Variants in SFI1 observed in about 807,000 individuals in gnomAD.
The protein encoded by SFI1 is SFI1 centrin binding protein, also known as protein SFI1 homolog.
Under a neutral mutation model 207.5 loss-of-function variants are expected in SFI1, and 195 were observed. The observed-to-expected ratio is 0.94, with a 90% confidence interval of 0.84 to 1.06. The LOEUF is 1.06. SFI1 is among the 50% of genes least tolerant of loss of function. The probability of loss-of-function intolerance (pLI) is 0.00; values close to 1 mark genes in which losing one functional copy is unlikely to be tolerated. For synonymous variants in SFI1, 630 were observed against 598.9 expected, an observed-to-expected ratio of 1.05 and a Z score of -0.76; for missense variants, 1,634 against 1,588.0, an observed-to-expected ratio of 1.03 and a Z score of -0.49.
At chr22:31,508,841 G>A (rs908669570) in intron 2 of SFI1, among the ~76,000 whole-genome samples, 1 of 152,182 alleles carries the variant, frequency 6.6e-6, no homozygotes, top group Non-Finnish European at 1.5e-5. Context: ...GGGCCTAGAG[G>A]TAGTACCACC....
intron 15 of SFI1, among the ~76,000 whole-genome samples, chr22:31,594,242 A>G (rs1375641618): frequency 6.6e-6 from 1 of 152,168 alleles, no homozygotes; most frequent in African/African-American, 2.4e-5. Context: ...TTGAAATGAT[A>G]GTCATCAACA....
In SFI1 at chr22:31,618,112, C is replaced by A; in HGVS notation, c.3513-3C>A. The A allele has an allele frequency of 6.4e-7, 1 of 1,566,740 alleles. No individual in the cohort carries two copies. The highest frequency in any genetic ancestry group is 2.3e-5 in the East Asian group (1 of 43,162). ...GCAGGCAGTGGGTATCTCCACCCCT[C>A]AGGTCCTGTCGGCGGCAAGCGAGCA... On this transcript the variant is annotated splice_region_variant and splice_polypyrimidine_tract_variant and intron_variant, in intron 31 of 32. Transcript: ENST00000400288.
chr22:31,593,064 C>G (rs1417064519), intron 15 of SFI1, among the ~76,000 whole-genome samples: 3 of 137,156 alleles, frequency 2.2e-5, no homozygotes, highest in Non-Finnish European at 3.2e-5. Context: ...CCGGACGGCA[C>G]GGCTGGCCGG....
chr22:31,513,617 G>A (rs1208175987), intron 2 of SFI1, among the ~76,000 whole-genome samples: 4 of 145,620 alleles, frequency 2.7e-5, no homozygotes, highest in African/African-American at 1.0e-4. Flanking sequence ...TTGCTCTGTC[G>A]CCCAGGCTGG....
chr22:31,529,121 G>T, intron 3 of SFI1: 6 of 380,758 alleles, frequency 1.6e-5, no homozygotes, highest in Non-Finnish European at 1.9e-5. Context: ...GTCTAAACGT[G>T]GTCCAAGAAA....
intron 2 of SFI1, among the ~76,000 whole-genome samples, chr22:31,510,105 C>T (rs932739723): frequency 1.2e-4 from 18 of 152,062 alleles, no homozygotes; most frequent in Non-Finnish European, 8.8e-5. Flanking sequence ...GCTGGGATTA[C>T]AGGTGTTGAG....
intron 29 of SFI1, 34 bp downstream of exon 29, chr22:31,615,313 G>T: frequency 6.9e-7 from 1 of 1,439,076 alleles, no homozygotes; most frequent in Non-Finnish European, 9.1e-7. Flanking sequence ...GGGCACTGGG[G>T]CTCTCACTCT....
intron 4 of SFI1, among the ~76,000 whole-genome samples, chr22:31,544,205 T>A (rs1419432872): frequency 6.6e-6 from 1 of 152,084 alleles, no homozygotes; most frequent in Non-Finnish European, 1.5e-5. Flanking sequence ...TTTTAAAAAA[T>A]CAGCACCATC....
At chr22:31,563,612 G>A (rs1457729348) in intron 8 of SFI1, among the ~76,000 whole-genome samples, 2 of 151,894 alleles carry the variant, frequency 1.3e-5, no homozygotes, top group East Asian at 2.0e-4. Context: ...TTTTGAGACA[G>A]TCTCACTCTT....
At chr22:31,517,170 T>A (rs887608677) in intron 2 of SFI1, among the ~76,000 whole-genome samples, 34 of 151,976 alleles carry the variant, frequency 2.2e-4, no homozygotes, top group African/African-American at 8.0e-4. Context: ...TTAGTAAAAT[T>A]TGTGTCTTTT....
chr22:31,499,435 G>A (rs897069544), intron 1 of SFI1, among the ~76,000 whole-genome samples: 1 of 152,104 alleles, frequency 6.6e-6, no homozygotes, highest in African/African-American at 2.4e-5. Flanking sequence ...GCCTCCCAAA[G>A]TGCTGGGATT....
intron 4 of SFI1, 145 bp downstream of exon 4, chr22:31,531,274 C>A: frequency 1.6e-6 from 1 of 617,656 alleles, no homozygotes; most frequent in Non-Finnish European, 2.8e-6. Flanking sequence ...CCTAATATAA[C>A]CATGTAATAC....
chr22:31,604,697 C>T (rs779516218), intron 19 of SFI1, 172 bp from the exon 20 acceptor site: 63 of 609,472 alleles, frequency 1.0e-4, no homozygotes, highest in Non-Finnish European at 1.7e-4. Context: ...ACAGTTTCTC[C>T]CTGTCGTCTG....
chr22:31,546,784 G>A (rs1968023), intron 4 of SFI1, 77 bp from the exon 5 acceptor site: 214,681 of 1,029,374 alleles, frequency 0.21, 24,807 homozygotes, highest in Admixed American at 0.24. Context: ...TTCATGAGAC[G>A]GCAAGAATAT....
In SFI1 at chr22:31,608,030, AG is replaced by A; in HGVS notation, c.2254+1del. The stretch of plus-strand genomic sequence containing the variant: ...CTGGGAGGCCCAGAAGGTGCTGGAC[AG>A]GGGTAAGTGGGGCCCCAGAAGCAAG... ...AIWEAQKVLD[R>X]GCLRTWFQRW... On this transcript the variant is annotated frameshift_variant and splice_region_variant, in exon 22 of 33. Transcript: ENST00000400288. LOFTEE classifies it high-confidence loss of function. The A allele has an allele frequency of 1.2e-6, 2 of 1,613,572 alleles. No homozygotes were observed. Among genetic ancestry groups the A allele is most frequent in the Non-Finnish European group, 1.7e-6 (2 of 1,179,692 alleles).
At chr22:31,545,773 G>T (rs1424342259) in intron 4 of SFI1, among the ~76,000 whole-genome samples, 1 of 149,412 alleles carries the variant, frequency 6.7e-6, no homozygotes, top group Non-Finnish European at 1.5e-5. Context: ...TAGAGATCGG[G>T]TTTTACTATG....
intron 11 of SFI1, among the ~76,000 whole-genome samples, chr22:31,579,215 C>G (rs2063822934): frequency 6.6e-6 from 1 of 152,048 alleles, no homozygotes; most frequent in Admixed American, 6.6e-5. Flanking sequence ...AAAATCATAG[C>G]TTGCTGCAGC....
At position 31,606,698 on chromosome 22, in the gene SFI1, T is replaced by C. The variant is rs1167056306; in HGVS notation, c.2157+268T>C. On this transcript the variant is annotated intron_variant, in intron 21 of 32. Transcript: ENST00000400288. ...AACCAGTATTTTCTTTTTTTCTTTT[T>C]TTTTTTTTTTTTTTTTTTGAGACAG... The C allele has an allele frequency of 9.6e-5, 19 of 198,784 alleles. 1 individual carries two copies. Among genetic ancestry groups the C allele is most frequent in the South Asian group, 7.3e-4 (9 of 12,314 alleles). 12.3% of individuals were successfully genotyped at this position (198,784 alleles called of 1,614,324 possible).
chr22:31,553,025 T>A (rs2060768082), intron 6 of SFI1, among the ~76,000 whole-genome samples: 1 of 152,068 alleles, frequency 6.6e-6, no homozygotes, highest in Non-Finnish European at 1.5e-5. Context: ...TTATATGTTA[T>A]GGAGACAGGG....
Sources: gnomAD v4.1 joint callset for allele counts (sites outside exome capture counted in the v4.1 genomes callset) on GRCh38, gnomAD v4.1.1 for gene constraint, MANE v1.5 for transcripts, NCBI Gene and HGNC (gene_info 2026-07-23, HGNC 2026-07-21) for gene names.